The following FAM117B variants were observed in gnomAD, a reference collection of about 807,000 sequenced individuals.
The protein encoded by FAM117B is family with sequence similarity 117 member B, also known as protein FAM117B.
FAM117B carries 22 observed loss-of-function variants against 52.8 expected under a neutral mutation model. That is an observed-to-expected ratio of 0.42 (90% CI 0.30 to 0.59). The LOEUF (loss-of-function observed/expected upper bound fraction) is 0.59, where lower values mean the gene tolerates loss of function less well. Ranked by LOEUF, FAM117B falls within the 20% of genes least tolerant of loss-of-function variation. The pLI is 0.22. For missense variants in FAM117B, 678 were observed against 802.6 expected, an observed-to-expected ratio of 0.84 and a Z score of 1.88; for synonymous variants, 309 against 324.1, an observed-to-expected ratio of 0.95 and a Z score of 0.50.
Position 202,695,988 on chromosome 2 carries a change from A to G in FAM117B, c.709A>G (p.Ser237Gly), listed in dbSNP as rs1690704873. The change falls in exon 2 of 8, where the codon AGC becomes GGC. Residue 237 changes from serine (S) to glycine (G), a missense_variant. Physicochemically the swap from Ser to Gly is moderately conservative, Grantham distance 56 (BLOSUM62 0). Coordinates refer to ENST00000392238, the MANE Select transcript of FAM117B (RefSeq NM_173511.4). ...TCTTGCTGGACACTGGCCTCGGGAT[A>G]GCCATGGGCAAGCTGCACCTTGCAT... is the stretch of plus-strand genomic sequence containing the variant. ...PYLAGHWPRD[S>G]HGQAAPCMRD... 1 of 1,614,076 alleles carries G rather than the reference A, an allele frequency of 6.2e-7. No individual in the cohort carries two copies. Among genetic ancestry groups the G allele is most frequent in the African/African-American group, 1.3e-5 (1 of 74,928 alleles).
At chr2:202,672,358 G>A (rs1435160696) in intron 1 of FAM117B, among the ~76,000 whole-genome samples, 2 of 151,928 alleles carry the variant, frequency 1.3e-5, no homozygotes, top group African/African-American at 4.8e-5. Flanking sequence ...GGTTACAGGC[G>A]TGCGCCACCA....
intron 1 of FAM117B, among the ~76,000 whole-genome samples, chr2:202,654,848 CATTT>C (rs1241107143): frequency 2.6e-5 from 4 of 151,896 alleles, no homozygotes; most frequent in African/African-American, 4.8e-5. Context: ...TTCTAGTGGG[CATTT>C]ATTTCTTTTT....
At chr2:202,661,239 A>G (rs1453989348) in intron 1 of FAM117B, among the ~76,000 whole-genome samples, 1 of 152,192 alleles carries the variant, frequency 6.6e-6, no homozygotes, top group Non-Finnish European at 1.5e-5. Flanking sequence ...AATTGGTGCT[A>G]GAGATAGAAG....
At chr2:202,642,972 G>A (rs945172776) in intron 1 of FAM117B, among the ~76,000 whole-genome samples, 12 of 152,170 alleles carry the variant, frequency 7.9e-5, no homozygotes, top group African/African-American at 2.9e-4. Context: ...AGGAGAGATA[G>A]GAAAGATTTT....
At chr2:202,682,530 T>A (rs1479720868) in intron 1 of FAM117B, among the ~76,000 whole-genome samples, 1 of 152,200 alleles carries the variant, frequency 6.6e-6, no homozygotes, top group Non-Finnish European at 1.5e-5. Context: ...GGCTGGCTAG[T>A]TCCAGCGCCC....
chr2:202,719,989 A>G (rs1426981533), intron 2 of FAM117B, among the ~76,000 whole-genome samples: 1 of 152,190 alleles, frequency 6.6e-6, no homozygotes, highest in Non-Finnish European at 1.5e-5. Flanking sequence ...CCTGTGGATC[A>G]AGAGGTACAT....
rs1553519020 is a variant in FAM117B at position 202,662,134 on chromosome 2, G to GTT, written c.601+26347_601+26348insTT. ...ATGTGAGGTAGGTGTGTGTGTGTGT[G>GTT]TGTGTATGTGTGTATGTGTGTGTGT... On this transcript the variant is annotated intron_variant, in intron 1 of 7. Transcript: ENST00000392238. Among the ~76,000 whole-genome samples, 4 of 151,584 alleles carry GTT rather than the reference G, an allele frequency of 2.6e-5. No individual in the cohort carries two copies. The East Asian group carries it at 7.7e-4, about 29-fold the overall frequency.
Position 202,765,296 on chromosome 2 carries a change from T to C in FAM117B, c.1452-150T>C, listed in dbSNP as rs57454651. The C allele has an allele frequency of 8.1e-4, 586 of 724,132 alleles. 4 individuals carry two copies. Among genetic ancestry groups the C allele is most frequent in the Admixed American group, 3.5e-3 (114 of 33,004 alleles). 44.9% of individuals were successfully genotyped at this position (724,132 alleles called of 1,614,324 possible). A position where few individuals can be genotyped will look rare whatever the true frequency, so the allele number is the denominator to read the frequency against. Reference sequence around the variant, plus strand: ...CACTTTGGTCCTTTATGTTTGAAGGTGGGGGACAGAGCTTGAGTTTTATAT... The same window carrying C: ...CACTTTGGTCCTTTATGTTTGAAGGCGGGGGACAGAGCTTGAGTTTTATAT... On this transcript the variant is annotated intron_variant, in intron 7 of 7. Coordinates refer to ENST00000392238, the MANE Select transcript of FAM117B (RefSeq NM_173511.4).
intron 4 of FAM117B, among the ~76,000 whole-genome samples, chr2:202,732,830 A>G (rs10931998): frequency 0.015 from 1,038 of 71,360 alleles, 6 homozygotes; most frequent in Non-Finnish European, 0.019. Context: ...CAATAAGTAA[A>G]TAAATAAATA....
At chr2:202,765,355 A>G in intron 7 of FAM117B, 91 bp from the exon 8 acceptor site, 1 of 1,278,442 alleles carries the variant, frequency 7.8e-7, no homozygotes, top group Non-Finnish European at 1.1e-6. Flanking sequence ...CTGTTTTTAA[A>G]AAATAAAAGA....
Position 202,635,427 on chromosome 2 carries a change from C to T in FAM117B, c.240C>T (p.Gly80=), listed in dbSNP as rs565083231. Residue 80 remains glycine (G), a synonymous_variant, in exon 1 of 8, where the codon GGC becomes GGT. Coordinates refer to ENST00000392238, the MANE Select transcript of FAM117B (RefSeq NM_173511.4). Reference sequence around the variant, plus strand: ...GCGCCTCAGGCCCCGCAGGCGGCGGCGGCGGCGGTGGCCCGCGCACCGCCT... The same window carrying T: ...GCGCCTCAGGCCCCGCAGGCGGCGGTGGCGGCGGTGGCCCGCGCACCGCCT... ...CGGASGPAGG[G]GGGGPRTASR... 6,576 of 1,235,296 alleles carry T rather than the reference C, an allele frequency of 5.3e-3. 19 individuals are homozygous for T. The highest frequency in any genetic ancestry group is 6.2e-3 in the Non-Finnish European group (6,110 of 992,590). 76.5% of individuals were successfully genotyped at this position (1,235,296 alleles called of 1,614,324 possible). A position where few individuals can be genotyped will look rare whatever the true frequency, so the allele number is the denominator to read the frequency against.
At chr2:202,717,405 G>A (rs750903656) in intron 2 of FAM117B, among the ~76,000 whole-genome samples, 3 of 152,148 alleles carry the variant, frequency 2.0e-5, no homozygotes, top group Non-Finnish European at 4.4e-5. Flanking sequence ...CCAGGAAGGT[G>A]AGGCTACAGT....
At chr2:202,663,147 A>G (rs531962894) in intron 1 of FAM117B, among the ~76,000 whole-genome samples, 2 of 152,236 alleles carry the variant, frequency 1.3e-5, no homozygotes, top group Non-Finnish European at 2.9e-5. Flanking sequence ...TTTAATTGCT[A>G]TGTAGTATTC....
intron 1 of FAM117B, among the ~76,000 whole-genome samples, chr2:202,693,312 A>C (rs1317151437): frequency 2.0e-5 from 3 of 150,670 alleles, no homozygotes; most frequent in Non-Finnish European, 4.4e-5. Context: ...TTTAAAAAAT[A>C]AATGTACTAA....
intron 7 of FAM117B, among the ~76,000 whole-genome samples, chr2:202,762,205 T>G (rs1381884744): frequency 6.6e-6 from 1 of 152,166 alleles, no homozygotes; most frequent in Non-Finnish European, 1.5e-5. Flanking sequence ...AAGTCTTACT[T>G]TTGCTTTAAA....
intron 1 of FAM117B, among the ~76,000 whole-genome samples, chr2:202,655,352 G>T (rs1690035969): frequency 6.6e-6 from 1 of 151,992 alleles, no homozygotes. Context: ...AGGTTTTTTT[G>T]GTGAACCTTG....
intron 1 of FAM117B, among the ~76,000 whole-genome samples, chr2:202,666,329 AAAT>A (rs1412739602): frequency 1.3e-5 from 2 of 152,018 alleles, no homozygotes; most frequent in Non-Finnish European, 2.9e-5. Flanking sequence ...CTAATTTAAA[AAAT>A]GTTGACTCAT....
In FAM117B at chr2:202,679,900, G is replaced by A. The variant is rs547466196; in HGVS notation, c.602-15981G>A. Among the ~76,000 whole-genome samples the A allele has an allele frequency of 3.5e-4, 54 of 152,148 alleles. 1 individual carries two copies. In the South Asian group the frequency reaches 0.011, roughly 30 times the overall value. On this transcript the variant is annotated intron_variant, in intron 1 of 7. Transcript: ENST00000392238. ...AGTGGAAACAGACTATGAGATAATA[G>A]AGATAATATTATATGACAAAAATTT... is the stretch of plus-strand genomic sequence containing the variant.
intron 1 of FAM117B, among the ~76,000 whole-genome samples, chr2:202,638,085 A>G (rs997774342): frequency 1.3e-5 from 2 of 152,138 alleles, no homozygotes; most frequent in African/African-American, 4.8e-5. Flanking sequence ...CACATTCGTC[A>G]GGCTGGTCTC....
Sources: gnomAD v4.1 joint callset for allele counts (sites outside exome capture counted in the v4.1 genomes callset) on GRCh38, gnomAD v4.1.1 for gene constraint, MANE v1.5 for transcripts, NCBI Gene and HGNC (gene_info 2026-07-23, HGNC 2026-07-21) for gene names.